The following AQP7B variants were observed in gnomAD, a reference collection of about 807,000 sequenced individuals.
AQP7B encodes putative aquaporin-7B.
chr2:94,603,247 G>A, the AQP7B span: 2 of 1,392,456 alleles, frequency 1.4e-6, no homozygotes, highest in Non-Finnish European at 2.0e-6. Flanking sequence ...TTGGACCTCA[G>A]TGTCCTGATT....
the AQP7B span, among the ~76,000 whole-genome samples, chr2:94,592,678 G>A: frequency 6.6e-6 from 1 of 152,066 alleles, no homozygotes; most frequent in Non-Finnish European, 1.5e-5. Context: ...TTTCTCATCA[G>A]CACAGAGCAG....
the AQP7B span, chr2:94,603,146 A>C: frequency 2.6e-6 from 4 of 1,534,306 alleles, no homozygotes; most frequent in Non-Finnish European, 3.6e-6. Context: ...CCTTCCTGGC[A>C]GCTGCCACCA....
chr2:94,602,465 A>C, the AQP7B span: 1 of 1,593,864 alleles, frequency 6.3e-7, no homozygotes, highest in Non-Finnish European at 8.6e-7. Context: ...CTGGGCAGGC[A>C]GCCCCCTTAG....
chr2:94,602,937 A>G, the AQP7B span: 19 of 1,348,416 alleles, frequency 1.4e-5, no homozygotes, highest in African/African-American at 2.6e-4. Flanking sequence ...TCTGTCACAG[A>G]GCATGCTGTC....
At chr2:94,603,073 G>T in the AQP7B span, 5 of 1,595,328 alleles carry the variant, frequency 3.1e-6, no homozygotes, top group Non-Finnish European at 4.3e-6. Context: ...TTCACTAACT[G>T]TGCGCTGGGC....
chr2:94,598,187 C>T, the AQP7B span, among the ~76,000 whole-genome samples: 12 of 152,072 alleles, frequency 7.9e-5, no homozygotes, highest in African/African-American at 2.4e-4. Context: ...TTTTTAGTTG[C>T]CAGGCTGTGC....
chr2:94,591,318 C>A, the AQP7B span, among the ~76,000 whole-genome samples: 1 of 152,198 alleles, frequency 6.6e-6, no homozygotes, highest in Non-Finnish European at 1.5e-5. Flanking sequence ...CTGTGCCCCA[C>A]GCTAGTCATT....
At chr2:94,602,899 G>C in the AQP7B span, 1 of 1,055,690 alleles carries the variant, frequency 9.5e-7, no homozygotes, top group Non-Finnish European at 1.3e-6. Flanking sequence ...TGCCTCACGG[G>C]GTGGTTGTGA....
chr2:94,596,707 T>G, the AQP7B span, among the ~76,000 whole-genome samples: 4 of 152,092 alleles, frequency 2.6e-5, no homozygotes, highest in African/African-American at 9.7e-5. Context: ...AAATTTAGCT[T>G]TCTTGTTTTT....
the AQP7B span, among the ~76,000 whole-genome samples, chr2:94,587,796 G>C: frequency 6.6e-6 from 1 of 152,066 alleles, no homozygotes; most frequent in Non-Finnish European, 1.5e-5. Context: ...GTCAGCTGCC[G>C]GCTTGCTGGA....
At chr2:94,592,179 A>G in the AQP7B span, among the ~76,000 whole-genome samples, 1 of 152,026 alleles carries the variant, frequency 6.6e-6, no homozygotes, top group East Asian at 1.9e-4. Flanking sequence ...TACCTCCAGC[A>G]TGGGAGGTGG....
chr2:94,589,976 C>T, the AQP7B span, among the ~76,000 whole-genome samples: 3 of 152,186 alleles, frequency 2.0e-5, no homozygotes, highest in Non-Finnish European at 2.9e-5. Flanking sequence ...TCCCCCATGG[C>T]CATGTCAGGC....
the AQP7B span, chr2:94,603,426 T>A: frequency 6.2e-7 from 1 of 1,610,050 alleles, no homozygotes; most frequent in Non-Finnish European, 8.5e-7. Flanking sequence ...TGGTGACCGG[T>A]CCCTTTGCTA....
the AQP7B span, chr2:94,603,703 G>A: frequency 3.5e-6 from 5 of 1,434,286 alleles, no homozygotes; most frequent in South Asian, 5.5e-5. Context: ...CACAGCATCT[G>A]CTCCTCAGGA....
the AQP7B span, chr2:94,602,401 A>T: frequency 3.0e-6 from 4 of 1,325,436 alleles, no homozygotes; most frequent in Non-Finnish European, 4.1e-6. Context: ...GGCCCAGGGC[A>T]TGGGGGTGAG....
the AQP7B span, among the ~76,000 whole-genome samples, chr2:94,589,215 G>A: frequency 1.1e-3 from 157 of 149,174 alleles, 1 homozygote; most frequent in African/African-American, 2.9e-3. Flanking sequence ...CGCCATGTTC[G>A]CCAGGCTGTT....
chr2:94,595,468 G>A, the AQP7B span, among the ~76,000 whole-genome samples: 1 of 152,026 alleles, frequency 6.6e-6, no homozygotes, highest in African/African-American at 2.4e-5. Context: ...AAGAGAGAGA[G>A]ATTGAAGAGA....
chr2:94,588,018 C>T, the AQP7B span, among the ~76,000 whole-genome samples: 41 of 152,036 alleles, frequency 2.7e-4, no homozygotes, highest in African/African-American at 8.7e-4. Context: ...GTGAGGTACA[C>T]GGGTGAAATG....
the AQP7B span, chr2:94,604,205 C>T: frequency 1.4e-6 from 2 of 1,386,676 alleles, no homozygotes; most frequent in East Asian, 2.3e-5. Flanking sequence ...GACTCCTCTG[C>T]TCAACCAGTC....
Sources: allele counts gnomAD v4.1 joint callset (sites outside exome capture counted in the v4.1 genomes callset), GRCh38; gene constraint gnomAD v4.1.1; transcripts MANE v1.5; gene names NCBI Gene and HGNC (gene_info 2026-07-23, HGNC 2026-07-21).